Variants in TFEC observed in about 807,000 individuals in gnomAD.
TFEC encodes class E basic helix-loop-helix protein 34.
TFEC carries 31 observed loss-of-function variants against 41.6 expected under a neutral mutation model. The observed-to-expected ratio is 0.74, with a 90% CI of 0.56 to 1.01. The LOEUF (loss-of-function observed/expected upper bound fraction) is 1.01. Among genes scored for constraint, TFEC ranks in the 50% least tolerant of loss-of-function variants. The pLI is 0.00. For missense variants in TFEC, 402 were observed against 404.1 expected, an observed-to-expected ratio of 0.99 and a Z score of 0.04; for synonymous variants, 143 against 140.6, an observed-to-expected ratio of 1.02 and a Z score of -0.12.
At chr7:116,059,458 A>T (rs980892187) in intron 3 of TFEC, among the ~76,000 whole-genome samples, 1 of 151,962 alleles carries the variant, frequency 6.6e-6, no homozygotes, top group African/African-American at 2.4e-5. Flanking sequence ...CCTCCAGAAA[A>T]TTAAAAAGGA....
At chr7:116,137,641 G>A (rs528560307) in intron 1 of TFEC, among the ~76,000 whole-genome samples, 4 of 152,082 alleles carry the variant, frequency 2.6e-5, no homozygotes, top group Non-Finnish European at 5.9e-5. Flanking sequence ...ACTCTCTATT[G>A]AGAGTTTAAC....
At position 116,017,405 on chromosome 7, in the gene TFEC, G is replaced by T. The variant is rs117380575; in HGVS notation, c.-73+13228C>A. On this transcript the variant is annotated intron_variant, in intron 1 of 7. Transcript: ENST00000265440. The stretch of plus-strand genomic sequence containing the variant: ...CAGCTGGCTAATTTTTGTATTTTTC[G>T]TAGAGATGGAGTTTCCCCATATTGG... Among the ~76,000 whole-genome samples, 409 of 152,152 alleles carry T rather than the reference G, an allele frequency of 2.7e-3. 12 individuals carry two copies. In the East Asian group the frequency reaches 0.061, roughly 23 times the overall value.
chr7:116,091,524 A>C lies in TFEC; in HGVS notation c.198+19184T>G, dbSNP rs1372417713. Among the ~76,000 whole-genome samples the C allele has an allele frequency of 1.1e-4, 17 of 152,302 alleles. No individual in the cohort carries two copies. The East Asian group carries it at 3.3e-3, about 29-fold the overall frequency. On this transcript the variant is annotated intron_variant, in intron 3 of 8. Transcript: ENST00000484212. ...CAGGCAATTCATAAACATCTGTAATATGTCCCCACCATTAGAAAATCAACA... is the reference window on the plus strand; with the variant it reads ...CAGGCAATTCATAAACATCTGTAATCTGTCCCCACCATTAGAAAATCAACA...
chr7:116,038,252 C>T (rs1394983167), intron 3 of TFEC, among the ~76,000 whole-genome samples: 1 of 151,922 alleles, frequency 6.6e-6, no homozygotes, highest in Non-Finnish European at 1.5e-5. Flanking sequence ...AGAACCAGTC[C>T]ATCTAAAAAT....
chr7:115,980,314 CAT>C (rs1266084688), intron 2 of TFEC, among the ~76,000 whole-genome samples: 2 of 152,148 alleles, frequency 1.3e-5, no homozygotes, highest in African/African-American at 2.4e-5. Context: ...CTTGTGATCA[CAT>C]GAGGCCCATT....
At chr7:115,953,265 T>A (rs1417772697) in intron 5 of TFEC, among the ~76,000 whole-genome samples, 1 of 152,074 alleles carries the variant, frequency 6.6e-6, no homozygotes, top group African/African-American at 2.4e-5. Context: ...AATTCACTCC[T>A]GGCCTCTGGG....
At chr7:115,980,961 A>T (rs1256394205) in intron 2 of TFEC, among the ~76,000 whole-genome samples, 2 of 152,112 alleles carry the variant, frequency 1.3e-5, no homozygotes, top group Non-Finnish European at 2.9e-5. Context: ...ATTATATGAG[A>T]TAATATAAGA....
intron 3 of TFEC, among the ~76,000 whole-genome samples, chr7:116,058,435 C>G (rs1796478761): frequency 9.4e-6 from 1 of 106,082 alleles, no homozygotes; most frequent in Non-Finnish European, 2.1e-5. Flanking sequence ...GAAAATTGTA[C>G]CATTAAGTCA....
intron 1 of TFEC, chr7:116,121,423 A>G (rs1399592545): frequency 6.6e-6 from 1 of 151,994 alleles, no homozygotes; most frequent in African/African-American, 2.4e-5. Flanking sequence ...AATGGGGAGT[A>G]CCTGCTAATG....
At chr7:116,005,410 G>T (rs746129139) in intron 1 of TFEC, among the ~76,000 whole-genome samples, 2 of 152,176 alleles carry the variant, frequency 1.3e-5, no homozygotes, top group African/African-American at 4.8e-5. Flanking sequence ...TGAGGAACTT[G>T]TTGGGAACTG....
In TFEC at chr7:116,030,105, C is replaced by A. The variant is rs148934613; in HGVS notation, c.-73+528G>T. Reference sequence around the variant, plus strand: ...GCATTGGGATACTTGACATCTTCTACACAAGCTATTTAGATCCACATCTAC... The same window carrying A: ...GCATTGGGATACTTGACATCTTCTAAACAAGCTATTTAGATCCACATCTAC... On this transcript the variant is annotated intron_variant, in intron 1 of 7. Transcript: ENST00000265440. Among the ~76,000 whole-genome samples, 105 of 152,152 alleles carry A rather than the reference C, an allele frequency of 6.9e-4. No homozygotes were observed. The East Asian group carries it at 0.019, about 27-fold the overall frequency.
At chr7:116,095,053 TTTAA>T (rs1797419753) in intron 3 of TFEC, among the ~76,000 whole-genome samples, 1 of 152,206 alleles carries the variant, frequency 6.6e-6, no homozygotes, top group Non-Finnish European at 1.5e-5. Context: ...TTTTTTCAAC[TTTAA>T]TTAACAAGCG....
At chr7:116,027,891 C>A (rs1482059740) in intron 1 of TFEC, among the ~76,000 whole-genome samples, 1 of 151,944 alleles carries the variant, frequency 6.6e-6, no homozygotes, top group East Asian at 1.9e-4. Flanking sequence ...TTTTTTAGAT[C>A]GATTTTCAAA....
chr7:116,016,691 A>T (rs1795204414), intron 1 of TFEC, among the ~76,000 whole-genome samples: 1 of 151,798 alleles, frequency 6.6e-6, no homozygotes, highest in Non-Finnish European at 1.5e-5. Context: ...TATATATAAT[A>T]TATAGTATAT....
chr7:116,015,402 G>A (rs1037761904), intron 1 of TFEC, among the ~76,000 whole-genome samples: 3 of 152,100 alleles, frequency 2.0e-5, no homozygotes, highest in Non-Finnish European at 4.4e-5. Flanking sequence ...TCTGAAGAAA[G>A]TGTAGATGAG....
chr7:116,098,050 GA>G (rs1797510498), intron 3 of TFEC, among the ~76,000 whole-genome samples: 1 of 152,170 alleles, frequency 6.6e-6, no homozygotes, highest in African/African-American at 2.4e-5. Context: ...AAAAGATAGA[GA>G]TTAGCAAGGT....
chr7:116,139,223 T>C (rs926831943), intron 1 of TFEC, among the ~76,000 whole-genome samples: 1 of 152,194 alleles, frequency 6.6e-6, no homozygotes, highest in African/African-American at 2.4e-5. Context: ...GAACAGTTTC[T>C]GCCCCAGAGC....
At chr7:115,969,535 T>C (rs746503184) in intron 3 of TFEC, among the ~76,000 whole-genome samples, 1 of 151,950 alleles carries the variant, frequency 6.6e-6, no homozygotes, top group Non-Finnish European at 1.5e-5. Flanking sequence ...GATGATAATA[T>C]TCCTGTCATG....
At chr7:115,976,093 GA>G (rs1050157917) in intron 2 of TFEC, among the ~76,000 whole-genome samples, 2 of 152,098 alleles carry the variant, frequency 1.3e-5, no homozygotes, top group Non-Finnish European at 2.9e-5. Flanking sequence ...GTGTAACTGC[GA>G]AAATGAAATT....
Sources: gnomAD v4.1 joint callset for allele counts (sites outside exome capture counted in the v4.1 genomes callset) on GRCh38, gnomAD v4.1.1 for gene constraint, MANE v1.5 for transcripts, NCBI Gene and HGNC (gene_info 2026-07-23, HGNC 2026-07-21) for gene names.